Variants in ADAMTS17 observed in about 807,000 individuals in gnomAD.
ADAMTS17 encodes A disintegrin and metalloproteinase with thrombospondin motifs 17.
In ADAMTS17, 113 loss-of-function variants were observed where a neutral mutation model predicts 141.5. That is an observed-to-expected ratio of 0.80 (90% CI 0.69 to 0.93). The LOEUF is 0.93. ADAMTS17 is among the 40% of genes least tolerant of loss of function. The probability of loss-of-function intolerance (pLI) is 0.00; values close to 1 mark genes in which losing one functional copy is unlikely to be tolerated. For synonymous variants in ADAMTS17, 768 were observed against 630.6 expected (o/e 1.22, Z -3.27); for missense variants, 1,659 against 1,517.9 (o/e 1.09, Z -1.54).
chr15:100,251,223 C>T (rs887008467), intron 7 of ADAMTS17, among the ~76,000 whole-genome samples: 1 of 152,178 alleles, frequency 6.6e-6, no homozygotes, highest in Non-Finnish European at 1.5e-5. Context: ...AGTGACTCCA[C>T]CCAGTCCCGA....
chr15:100,137,819 C>T (rs2038413220), intron 10 of ADAMTS17, among the ~76,000 whole-genome samples: 1 of 152,140 alleles, frequency 6.6e-6, no homozygotes, highest in South Asian at 2.1e-4. Flanking sequence ...CCTTTCACTA[C>T]CAACATCCAC....
At chr15:100,091,010 C>CAAAAAAAAAAAAA (rs556800178) in intron 15 of ADAMTS17, among the ~76,000 whole-genome samples, 760 of 54,514 alleles carry the variant, frequency 0.014, 34 homozygotes, top group African/African-American at 0.041. Context: ...TCCGTCTCAA[C>CAAAAAAAAAAAAA]AAAAAAAAAA....
At chr15:100,199,911 G>C (rs1475504135) in intron 7 of ADAMTS17, among the ~76,000 whole-genome samples, 2 of 152,238 alleles carry the variant, frequency 1.3e-5, no homozygotes, top group South Asian at 2.1e-4. Flanking sequence ...CACCCTGAGA[G>C]GGAGCGCCTC....
At chr15:100,288,711 G>A (rs1297370354) in intron 3 of ADAMTS17, among the ~76,000 whole-genome samples, 1 of 152,072 alleles carries the variant, frequency 6.6e-6, no homozygotes, top group African/African-American at 2.4e-5. Context: ...ATACTAAGAA[G>A]ATCACTCAAA....
intron 7 of ADAMTS17, among the ~76,000 whole-genome samples, chr15:100,246,651 A>G (rs778531485): frequency 7.9e-5 from 12 of 152,192 alleles, no homozygotes; most frequent in Non-Finnish European, 1.3e-4. Flanking sequence ...GGACAAAGCC[A>G]CTTCAGAACT....
At chr15:100,177,908 T>TGTCC (rs1254129577) in intron 8 of ADAMTS17, among the ~76,000 whole-genome samples, 1 of 152,212 alleles carries the variant, frequency 6.6e-6, no homozygotes, top group African/African-American at 2.4e-5. Context: ...CATTATACAA[T>TGTCC]GTCCCTCTTT....
chr15:100,195,613 C>CAAA (rs71287815), intron 8 of ADAMTS17, among the ~76,000 whole-genome samples: 764 of 60,680 alleles, frequency 0.013, 6 homozygotes, highest in African/African-American at 0.025. Context: ...TGTTTGGTCT[C>CAAA]AAAAAAAAAA....
At chr15:100,269,329 T>C (rs1408449926) in intron 4 of ADAMTS17, among the ~76,000 whole-genome samples, 1 of 152,244 alleles carries the variant, frequency 6.6e-6, no homozygotes, top group Non-Finnish European at 1.5e-5. Flanking sequence ...TATCAGTTCA[T>C]TTCTTTATGT....
intron 3 of ADAMTS17, among the ~76,000 whole-genome samples, chr15:100,297,852 T>C (rs932407728): frequency 4.6e-5 from 7 of 151,890 alleles, no homozygotes; most frequent in Non-Finnish European, 1.0e-4. Flanking sequence ...ATAGAAGAGA[T>C]GGAAATAACA....
chr15:100,149,664 A>G (rs1178597607), intron 10 of ADAMTS17, among the ~76,000 whole-genome samples: 1 of 152,124 alleles, frequency 6.6e-6, no homozygotes, highest in Non-Finnish European at 1.5e-5. Context: ...GTGTGGTCCA[A>G]TCCTAGCCAA....
In ADAMTS17 at chr15:100,311,186, T is replaced by A. The variant is rs888594456; in HGVS notation, c.616+19703A>T. The stretch of plus-strand genomic sequence containing the variant: ...GCCGGGAGGGAAGCCGGGTGTGCAC[T>A]CTCAGTCACACATTCTCCCGGCTCT... On this transcript the variant is annotated intron_variant, in intron 3 of 21. Transcript: ENST00000268070. Among the ~76,000 whole-genome samples the A allele has an allele frequency of 2.0e-4, 31 of 152,342 alleles. 1 individual carries two copies. Among genetic ancestry groups the A allele is most frequent in the Middle Eastern group, 3.4e-3 (1 of 294 alleles).
At chr15:100,173,847 A>C (rs2040244001) in intron 8 of ADAMTS17, among the ~76,000 whole-genome samples, 1 of 152,168 alleles carries the variant, frequency 6.6e-6, no homozygotes, top group African/African-American at 2.4e-5. Flanking sequence ...TTTGGAGTAC[A>C]GGCCAGGCAT....
chr15:100,083,085 G>A (rs560516723), intron 15 of ADAMTS17, among the ~76,000 whole-genome samples: 1 of 152,202 alleles, frequency 6.6e-6, no homozygotes, highest in African/African-American at 2.4e-5. Context: ...ACTTAAACGT[G>A]TGTGACCATG....
At chr15:100,223,562 G>A (rs947058823) in intron 7 of ADAMTS17, among the ~76,000 whole-genome samples, 1 of 152,100 alleles carries the variant, frequency 6.6e-6, no homozygotes, top group Non-Finnish European at 1.5e-5. Flanking sequence ...CTCACTCTGA[G>A]AAGAGGAGAT....
At chr15:100,187,392 T>TTGTAGGAGTTCC (rs1273060947) in intron 8 of ADAMTS17, among the ~76,000 whole-genome samples, 1 of 152,204 alleles carries the variant, frequency 6.6e-6, no homozygotes, top group African/African-American at 2.4e-5. Context: ...GAAATGAACT[T>TTGTAGGAGTTCC]TACAGTCACT....
chr15:100,188,070 C>T (rs374183266), intron 8 of ADAMTS17, among the ~76,000 whole-genome samples: 41 of 151,606 alleles, frequency 2.7e-4, no homozygotes, highest in African/African-American at 9.7e-4. Flanking sequence ...GGTGACAGAG[C>T]GAGGTCCTCT....
At chr15:100,329,563 C>T in intron 3 of ADAMTS17, among the ~76,000 whole-genome samples, 1 of 150,752 alleles carries the variant, frequency 6.6e-6, no homozygotes, top group East Asian at 1.9e-4. Context: ...ATCAAATCCA[C>T]ACACAACCAA....
At position 99,976,225 on chromosome 15, in the gene ADAMTS17, G is replaced by A; in HGVS notation, c.2950-3C>T. 2 of 1,544,462 alleles carry A rather than the reference G, an allele frequency of 1.3e-6. No homozygotes were observed. The highest frequency in any genetic ancestry group is 1.2e-5 in the South Asian group (1 of 84,062). ...CCCTTCCCGCAGGTCGACGAGCACT[G>A]CAGAGACAGGACAGCCTGAGTGGGG... On this transcript the variant is annotated splice_region_variant and splice_polypyrimidine_tract_variant and intron_variant, in intron 20 of 21. Coordinates refer to ENST00000268070, the MANE Select transcript of ADAMTS17 (RefSeq NM_139057.4).
At chr15:100,006,682 G>A (rs1423031920) in intron 18 of ADAMTS17, among the ~76,000 whole-genome samples, 1 of 152,220 alleles carries the variant, frequency 6.6e-6, no homozygotes, top group Non-Finnish European at 1.5e-5. Context: ...CCTCAGAATG[G>A]GCGCAAAAGA....
Sources: gnomAD v4.1 joint callset for allele counts (sites outside exome capture counted in the v4.1 genomes callset) on GRCh38, gnomAD v4.1.1 for gene constraint, MANE v1.5 for transcripts, NCBI Gene and HGNC (gene_info 2026-07-23, HGNC 2026-07-21) for gene names.